Variants in PLS3 observed in about 807,000 individuals in gnomAD.
PLS3 encodes plastin 3.
In PLS3, 11 loss-of-function variants were observed where a neutral mutation model predicts 46.5. The observed-to-expected ratio is 0.24, with a 90% CI of 0.15 to 0.39. The LOEUF is 0.39. Among genes scored for constraint, PLS3 ranks in the 10% least tolerant of loss-of-function variants. The pLI, the probability that PLS3 is intolerant of heterozygous loss-of-function variation, is 1.00. For synonymous variants in PLS3, 167 were observed against 162.2 expected (o/e 1.03, Z -0.22); for missense variants, 308 against 461.8 (o/e 0.67, Z 3.05).
chrX:115,573,555 C>G (rs1259731900), intron 1 of PLS3, among the ~76,000 whole-genome samples: 1 of 112,563 alleles, frequency 8.9e-6, no homozygotes, highest in Non-Finnish European at 1.9e-5. Context: ...TCCCCAAAAA[C>G]ATCTATTCAC....
chrX:115,645,016 A>T lies in PLS3; in HGVS notation c.1184-5A>T. On this transcript the variant is annotated splice_region_variant and splice_polypyrimidine_tract_variant and intron_variant, in intron 10 of 15. Coordinates refer to ENST00000355899, the MANE Select transcript of PLS3 (RefSeq NM_005032.7). ...ATCAGTAAATTTTGTGAATATTCTT[A>T]ACAGGAGAAACTCGTGAAGAAAGAA... 8.7e-7 allele frequency: 1 copy of T among 1,152,941 alleles called. No individual in the cohort carries two copies. Among genetic ancestry groups the T allele is most frequent in the Non-Finnish European group, 1.2e-6 (1 of 842,795 alleles).
chrX:115,580,975 A>G (rs1444138710), intron 1 of PLS3, among the ~76,000 whole-genome samples: 2 of 110,870 alleles, frequency 1.8e-5, no homozygotes, highest in African/African-American at 3.3e-5. Flanking sequence ...GTCTCAAGCA[A>G]TCCTCCCGCC....
At chrX:115,632,709 T>G (rs2074790080) in intron 5 of PLS3, among the ~76,000 whole-genome samples, 1 of 110,538 alleles carries the variant, frequency 9.0e-6, no homozygotes, top group African/African-American at 3.3e-5. Context: ...TGCAGGATTT[T>G]ATCTGTCTTT....
At chrX:115,604,351 A>G (rs1393730501) in intron 1 of PLS3, among the ~76,000 whole-genome samples, 1 of 112,110 alleles carries the variant, frequency 8.9e-6, no homozygotes. Context: ...ATTTTCTTTC[A>G]TGAAGGATTT....
At chrX:115,644,898 C>A (rs1262617066) in intron 10 of PLS3, 123 bp from the exon 11 acceptor site, 1 of 448,011 alleles carries the variant, frequency 2.2e-6, no homozygotes, top group Non-Finnish European at 3.8e-6. Context: ...CTTGGAAACT[C>A]GTATTATCGA....
chrX:115,584,034 A>G (rs2074293522), intron 1 of PLS3, among the ~76,000 whole-genome samples: 1 of 111,850 alleles, frequency 8.9e-6, no homozygotes, highest in Non-Finnish European at 1.9e-5. Flanking sequence ...ATTTGGTGCT[A>G]TTAGAAGATG....
chrX:115,634,272 T>C (rs932631026), intron 6 of PLS3, among the ~76,000 whole-genome samples, 191 bp downstream of exon 6: 1 of 112,093 alleles, frequency 8.9e-6, no homozygotes, highest in Non-Finnish European at 1.9e-5. Flanking sequence ...AGATTAATGT[T>C]GGAACTGAGG....
At chrX:115,591,057 T>C (rs1230434582) in intron 1 of PLS3, among the ~76,000 whole-genome samples, 1 of 101,790 alleles carries the variant, frequency 9.8e-6, no homozygotes, top group Non-Finnish European at 2.0e-5. Flanking sequence ...GAGAATGGCA[T>C]GAACCCGGGA....
intron 2 of PLS3, among the ~76,000 whole-genome samples, chrX:115,621,552 T>G (rs782438827): frequency 3.7e-5 from 4 of 108,238 alleles, no homozygotes; most frequent in Admixed American, 3.0e-4. Flanking sequence ...ATTGATCAGG[T>G]TTTTTTTTTC....
intron 2 of PLS3, chrX:115,614,042 G>A (rs1189869070): frequency 9.0e-6 from 1 of 111,061 alleles, no homozygotes; most frequent in Non-Finnish European, 1.9e-5. Flanking sequence ...CGCGATCTCG[G>A]CCACTGCAAG....
At chrX:115,621,154 C>T (rs782025749) in intron 2 of PLS3, among the ~76,000 whole-genome samples, 4 of 110,085 alleles carry the variant, frequency 3.6e-5, no homozygotes, top group East Asian at 2.9e-4. Flanking sequence ...GCTGAGATTA[C>T]GGGTGCCCGC....
intron 1 of PLS3, among the ~76,000 whole-genome samples, chrX:115,591,521 T>C (rs1556633106): frequency 8.9e-6 from 1 of 111,919 alleles, no homozygotes; most frequent in African/African-American, 3.2e-5. Flanking sequence ...TACTGCTACA[T>C]ATCTGAAAAG....
chrX:115,606,979 G>A (rs191494533), intron 1 of PLS3, among the ~76,000 whole-genome samples: 74 of 110,789 alleles, frequency 6.7e-4, no homozygotes, highest in African/African-American at 1.1e-3. Flanking sequence ...AGGCCTGGGC[G>A]TGGTGGCTCA....
At position 115,649,875 on chromosome X, in the gene PLS3, T is replaced by C; in HGVS notation, c.*314T>C. On this transcript the variant is annotated 3_prime_UTR_variant, in exon 16 of 16. Coordinates refer to ENST00000355899, the MANE Select transcript of PLS3 (RefSeq NM_005032.7). ...CTGTATGTTATTTCTTGCTCTGTTA[T>C]CTTTTGCCCTCTTAGAATGTCCCTC... is the stretch of plus-strand genomic sequence containing the variant. 1 of 158,086 alleles carries C rather than the reference T, an allele frequency of 6.3e-6. No individual in the cohort carries two copies. Among genetic ancestry groups the C allele is most frequent in the African/African-American group, 2.9e-5 (1 of 33,994 alleles). The allele number at this position is 158,086 out of a possible 1,213,427, so 13.0% of individuals were successfully genotyped here.
chrX:115,605,204 C>T (rs1343567776), intron 1 of PLS3, among the ~76,000 whole-genome samples: 1 of 111,680 alleles, frequency 9.0e-6, no homozygotes, highest in Non-Finnish European at 1.9e-5. Context: ...TCTGGAAATA[C>T]GGTTTTAAGG....
chrX:115,569,540 A>C (rs1278180830), intron 1 of PLS3, among the ~76,000 whole-genome samples: 1 of 112,225 alleles, frequency 8.9e-6, no homozygotes, highest in African/African-American at 3.2e-5. Flanking sequence ...ACATAGGTCC[A>C]ATAATAGTAA....
chrX:115,598,855 T>A (rs1304082998), intron 1 of PLS3, among the ~76,000 whole-genome samples: 7 of 111,830 alleles, frequency 6.3e-5, no homozygotes, highest in African/African-American at 2.3e-4. Context: ...TTGCCTGTTT[T>A]ATGATCAGTG....
At chrX:115,609,472 T>C (rs1556635818) in intron 1 of PLS3, among the ~76,000 whole-genome samples, 1 of 111,912 alleles carries the variant, frequency 8.9e-6, no homozygotes, top group African/African-American at 3.2e-5. Flanking sequence ...GGGATAACAT[T>C]TCACTTAATT....
chrX:115,636,931 G>C lies in PLS3; in HGVS notation c.844G>C (p.Glu282Gln). The change falls in exon 8 of 16, where the codon GAA becomes CAA. Residue 282 changes from glutamate (E) to glutamine (Q), a missense_variant. Physicochemically the swap from Glu to Gln is conservative, Grantham distance 29 (BLOSUM62 2). This residue lies in a region of PLS3 where 271 missense variants were observed against 435.7 expected (regional missense o/e 0.62). Transcript: ENST00000355899. ...LLLRWANFHL[E>Q]NSGWQKINNF... is the part of the protein sequence containing the mutation. ...GCTTAGATGGGCAAACTTTCATTTGGAAAACTCGGGCTGGCAAAAAATTAA... is the reference window on the plus strand; with the variant it reads ...GCTTAGATGGGCAAACTTTCATTTGCAAAACTCGGGCTGGCAAAAAATTAA... 8.3e-7 allele frequency: 1 copy of C among 1,209,514 alleles called. No individual in the cohort carries two copies. The highest frequency in any genetic ancestry group is 1.1e-6 in the Non-Finnish European group (1 of 894,270).
Sources: gnomAD v4.1 joint callset for allele counts (sites outside exome capture counted in the v4.1 genomes callset) on GRCh38, gnomAD v4.1.1 for gene constraint, gnomAD v4.1.1 regional missense constraint, MANE v1.5 for transcripts, NCBI Gene and HGNC (gene_info 2026-07-23, HGNC 2026-07-21) for gene names.